Variants in MFSD6L observed in about 807,000 individuals in gnomAD.
MFSD6L encodes the protein major facilitator superfamily domain-containing protein 6-like.
MFSD6L carries 9 observed loss-of-function variants against 6.4 expected under a neutral mutation model. The observed-to-expected ratio is 1.42, with a 90% CI of 0.85 to 2.47. The LOEUF (loss-of-function observed/expected upper bound fraction) is 2.47, where lower values mean the gene tolerates loss of function less well. Among genes scored for constraint, MFSD6L ranks in the 30% most tolerant of loss-of-function variants. The probability of loss-of-function intolerance (pLI) is 0.00; values close to 1 mark genes in which losing one functional copy is unlikely to be tolerated. For synonymous variants in MFSD6L, 336 were observed against 322.4 expected (o/e 1.04, Z -0.45); for missense variants, 747 against 730.6 (o/e 1.02, Z -0.26).
In MFSD6L at chr17:8,798,184, G is replaced by C; in HGVS notation, c.937C>G (p.Leu313Val). Residue 313 changes from leucine (L) to valine (V), a missense_variant, in exon 1 of 1, where the codon CTG becomes GTG. Leu to Val is a conservative substitution (Grantham distance 32, BLOSUM62 1). Transcript: ENST00000329805. The stretch of plus-strand genomic sequence containing the variant: ...ACACCTCGGGGGCCACTGGTCATCA[G>C]GAAGCAGTCCAGCTGCCCCACCAAG... ...TALVGQLDCF[L>V]MTSGPRGVVH... The C allele has an allele frequency of 1.9e-6, 3 of 1,613,042 alleles. No individual in the cohort carries two copies. Among genetic ancestry groups the C allele is most frequent in the Non-Finnish European group, 2.5e-6 (3 of 1,179,986 alleles).
chr17:8,797,935 G>GGTCCTTC lies in MFSD6L; in HGVS notation c.1179_1185dup (p.His396GlufsTer33), dbSNP rs1339307224. 6.2e-7 allele frequency: 1 copy of GGTCCTTC among 1,613,838 alleles called. No individual in the cohort carries two copies. The highest frequency in any genetic ancestry group is 1.3e-5 in the African/African-American group (1 of 74,874). The stretch of plus-strand genomic sequence containing the variant: ...CCCATGACCAGCTCGCCGCTCCCAT[G>GGTCCTTC]GTCCTTCATGTGCCAGAACAGAAAG... On this transcript the variant is annotated frameshift_variant, in exon 1 of 1. Coordinates refer to ENST00000329805, the MANE Select transcript of MFSD6L (RefSeq NM_152599.4). LOFTEE classifies it low-confidence loss of function (END_TRUNC).
chr17:8,798,596 G>A lies in MFSD6L; in HGVS notation c.525C>T (p.Ser175=), dbSNP rs758816578. The A allele has an allele frequency of 2.5e-6, 4 of 1,614,194 alleles. No homozygotes were observed. The highest frequency in any genetic ancestry group is 3.4e-6 in the Non-Finnish European group (4 of 1,180,036). ...GGGATGTGGTCCTAGCTCCTTCAAC[G>A]GAGGGCGCTAAGTAGACGTGCAGAT... ...FRDLHVYLAP[S]VEGARTTSQA... Residue 175 remains serine, a synonymous_variant, in exon 1 of 1, where the codon TCC becomes TCT. Transcript: ENST00000329805.
chr17:8,797,286 T>A lies in MFSD6L; in HGVS notation c.*74A>T, dbSNP rs2151154973. The A allele has an allele frequency of 7.0e-7, 1 of 1,434,130 alleles. No homozygotes were observed. Among genetic ancestry groups the A allele is most frequent in the Non-Finnish European group, 9.4e-7 (1 of 1,068,644 alleles). 88.8% of individuals were successfully genotyped at this position (1,434,130 alleles called of 1,614,324 possible). A position where few individuals can be genotyped will look rare whatever the true frequency, so the allele number is the denominator to read the frequency against. On this transcript the variant is annotated 3_prime_UTR_variant, in exon 1 of 1. Coordinates refer to ENST00000329805, the MANE Select transcript of MFSD6L (RefSeq NM_152599.4). ...CCCAGCAGTCCAGGGCAGGTTTCTG[T>A]CCTCAGCAGGCTGAGTTTTGTTCAG...
In MFSD6L at chr17:8,799,085, C is replaced by A. The variant is rs1054972851; in HGVS notation, c.36G>T (p.Ala12=). 6 of 1,586,066 alleles carry A rather than the reference C, an allele frequency of 3.8e-6. No individual in the cohort carries two copies. The highest frequency in any genetic ancestry group is 1.2e-5 in the South Asian group (1 of 86,898). ...SANPRWDISR[A]LGVAKLFHLV... The stretch of plus-strand genomic sequence containing the variant: ...GGTGGAAGAGCTTGGCCACCCCCAG[C>A]GCCCTGCTGATGTCCCACCGGGGGT... The change falls in exon 1 of 1, where the codon GCG becomes GCT. Residue 12 remains alanine, a synonymous_variant. Transcript: ENST00000329805. This position sits in a 1 kb window ranked among gnomAD's most constrained non-coding sequence, Gnocchi z 5.3.
At position 8,798,994 on chromosome 17, in the gene MFSD6L, A is replaced by G; in HGVS notation, c.127T>C (p.Leu43=). 6.2e-7 allele frequency: 1 copy of G among 1,613,798 alleles called. No individual in the cohort carries two copies. Among genetic ancestry groups the G allele is most frequent in the Non-Finnish European group, 8.5e-7 (1 of 1,179,984 alleles). ...FLTLYLRQLG[L]AAPWVGTLMG... is the part of the protein sequence containing the mutation. Reference sequence around the variant, plus strand: ...AGGGTGCCCACCCAGGGCGCGGCCAAGCCCAGCTGCCTCAGGTAAAGGGTC... The same window carrying G: ...AGGGTGCCCACCCAGGGCGCGGCCAGGCCCAGCTGCCTCAGGTAAAGGGTC... The change falls in exon 1 of 1, where the codon TTG becomes CTG. Residue 43 remains leucine (L), a synonymous_variant. Coordinates refer to ENST00000329805, the MANE Select transcript of MFSD6L (RefSeq NM_152599.4).
Position 8,798,431 on chromosome 17 carries a change from C to T in MFSD6L, c.690G>A (p.Gly230=). Residue 230 remains glycine, a synonymous_variant, in exon 1 of 1, where the codon GGG becomes GGA. Coordinates refer to ENST00000329805, the MANE Select transcript of MFSD6L (RefSeq NM_152599.4). ...AGGACAGGTCAAAAGCCCAGGCTTT[C>T]CCCTTGGTCCCTGACAAATTGGCTG... is the stretch of plus-strand genomic sequence containing the variant. ...GNPANLSGTK[G]KAWAFDLSLE... is the part of the protein sequence containing the mutation. The T allele has an allele frequency of 6.2e-7, 1 of 1,607,550 alleles. No individual in the cohort carries two copies. The highest frequency in any genetic ancestry group is 8.5e-7 in the Non-Finnish European group (1 of 1,176,540).
chr17:8,798,524 C>T lies in MFSD6L; in HGVS notation c.597G>A (p.Trp199Ter), dbSNP rs201485721. The change falls in exon 1 of 1, where the codon TGG becomes TGA. Residue 199 changes from tryptophan to a stop codon, truncating the protein, a stop_gained. Coordinates refer to ENST00000329805, the MANE Select transcript of MFSD6L (RefSeq NM_152599.4). LOFTEE classifies it low-confidence loss of function (END_TRUNC). ...PVTSGLKDHP[W>*]EVTFEVVKTA... ...TCTTGACCACCTCAAAAGTAACTTC[C>T]CAGGGATGATCTTTCAGCCCCGAAG... 42 of 1,613,386 alleles carry T rather than the reference C, an allele frequency of 2.6e-5. No individual in the cohort carries two copies. Among genetic ancestry groups the T allele is most frequent in the Non-Finnish European group, 3.3e-5 (39 of 1,179,568 alleles).
In MFSD6L at chr17:8,797,279, G is replaced by A; in HGVS notation, c.*81C>T. On this transcript the variant is annotated 3_prime_UTR_variant, in exon 1 of 1. Transcript: ENST00000329805. ...CCCGGCTCCCAGCAGTCCAGGGCAG[G>A]TTTCTGTCCTCAGCAGGCTGAGTTT... is the stretch of plus-strand genomic sequence containing the variant. The A allele has an allele frequency of 1.4e-6, 2 of 1,388,850 alleles. No individual in the cohort carries two copies. Among genetic ancestry groups the A allele is most frequent in the Non-Finnish European group, 1.9e-6 (2 of 1,032,100 alleles). The allele number at this position is 1,388,850 out of a possible 1,614,324, so 86.0% of individuals were successfully genotyped here.
Position 8,798,701 on chromosome 17 carries a change from G to A in MFSD6L, c.420C>T (p.His140=), listed in dbSNP as rs1212288216. 1.9e-6 allele frequency: 3 copies of A among 1,613,966 alleles called. No homozygotes were observed. Among genetic ancestry groups the A allele is most frequent in the African/African-American group, 2.7e-5 (2 of 74,920 alleles). ...ITSAQESASS[H]PAKRTAEVEM... ...CCACCTCTGCAGTCCTCTTGGCTGG[G>A]TGGCTGGAGGCAGACTCTTGGGCCG... is the stretch of plus-strand genomic sequence containing the variant. The change falls in exon 1 of 1, where the codon CAC becomes CAT. Residue 140 remains histidine, a synonymous_variant. Coordinates refer to ENST00000329805, the MANE Select transcript of MFSD6L (RefSeq NM_152599.4).
chr17:8,798,937 A>G lies in MFSD6L; in HGVS notation c.184T>C (p.Trp62Arg). The G allele has an allele frequency of 6.2e-7, 1 of 1,613,830 alleles. No individual in the cohort carries two copies. Among genetic ancestry groups the G allele is most frequent in the South Asian group, 1.1e-5 (1 of 91,066 alleles). Residue 62 changes from tryptophan to arginine, a missense_variant, in exon 1 of 1, where the codon TGG (tryptophan) becomes CGG (arginine). By Grantham distance (101) the Trp-to-Arg change is moderately radical (BLOSUM62 -3). Coordinates refer to ENST00000329805, the MANE Select transcript of MFSD6L (RefSeq NM_152599.4). ...GCCAGGAAGGCACAGACGGGAGCCC[A>G]GAAGGCAGCGATTAGGTGCTTGGTT... ...MGTKHLIAAF[W>R]APVCAFLAKS...
At position 8,798,527 on chromosome 17, in the gene MFSD6L, G is replaced by T; in HGVS notation, c.594C>A (p.Pro198=). Residue 198 remains proline (P), a synonymous_variant, in exon 1 of 1, where the codon CCC becomes CCA. Coordinates refer to ENST00000329805, the MANE Select transcript of MFSD6L (RefSeq NM_152599.4). ...HPVTSGLKDH[P]WEVTFEVVKT... is the part of the protein sequence containing the mutation. ...TGACCACCTCAAAAGTAACTTCCCA[G>T]GGATGATCTTTCAGCCCCGAAGTGA... 1 of 1,613,622 alleles carries T rather than the reference G, an allele frequency of 6.2e-7. No homozygotes were observed. Among genetic ancestry groups the T allele is most frequent in the Non-Finnish European group, 8.5e-7 (1 of 1,179,616 alleles).
rs1315019960 is a variant in MFSD6L at position 8,797,503 on chromosome 17, A to G, written c.1618T>C (p.Ser540Pro). The G allele has an allele frequency of 8.1e-6, 13 of 1,613,990 alleles. No individual in the cohort carries two copies. In the Middle Eastern group the frequency reaches 4.9e-4, roughly 61 times the overall value. The change falls in exon 1 of 1, where the codon TCC becomes CCC. Residue 540 changes from serine (S) to proline (P), a missense_variant. By Grantham distance (74) the Ser-to-Pro change is moderately conservative (BLOSUM62 -1). Transcript: ENST00000329805. ...ALLLWLALLL[S>P]IQRRLPRERK... is the part of the protein sequence containing the mutation. ...TCTCGGGGCAGCCTCCGCTGTATGGACAGGAGCAAGGCCAACCAGAGCAAC... is the reference window on the plus strand; with the variant it reads ...TCTCGGGGCAGCCTCCGCTGTATGGGCAGGAGCAAGGCCAACCAGAGCAAC...
At position 8,799,344 on chromosome 17, in the gene MFSD6L, G is replaced by A. The variant is rs367945; in HGVS notation, c.-224C>T. The A allele has an allele frequency of 5.2e-6, 2 of 384,742 alleles. No individual in the cohort carries two copies. The highest frequency in any genetic ancestry group is 9.1e-6 in the Non-Finnish European group (2 of 219,700). The allele number at this position is 384,742 out of a possible 1,614,324, so 23.8% of individuals were successfully genotyped here. On this transcript the variant is annotated 5_prime_UTR_variant, in exon 1 of 1. Coordinates refer to ENST00000329805, the MANE Select transcript of MFSD6L (RefSeq NM_152599.4). The surrounding 1 kb of genome is among the most constrained non-coding windows in gnomAD (Gnocchi z 5.3). ...CCGAAAGGGGCCCCGCCCGGAGGGAGAGGCGGGGCGGGGGCGAAGGTGGGG... is the reference window on the plus strand; with the variant it reads ...CCGAAAGGGGCCCCGCCCGGAGGGAAAGGCGGGGCGGGGGCGAAGGTGGGG...
chr17:8,798,920 G>C lies in MFSD6L; in HGVS notation c.201C>G (p.Ala67=). 6.2e-7 allele frequency: 1 copy of C among 1,613,882 alleles called. No homozygotes were observed. The highest frequency in any genetic ancestry group is 1.1e-5 in the South Asian group (1 of 91,078). ...TTTTCCGGTAGCTTTTGGCCAGGAAGGCACAGACGGGAGCCCAGAAGGCAG... is the reference window on the plus strand; with the variant it reads ...TTTTCCGGTAGCTTTTGGCCAGGAACGCACAGACGGGAGCCCAGAAGGCAG... ...LIAAFWAPVC[A]FLAKSYRKRR... Residue 67 remains alanine (A), a synonymous_variant, in exon 1 of 1, where the codon GCC becomes GCG. Coordinates refer to ENST00000329805, the MANE Select transcript of MFSD6L (RefSeq NM_152599.4).
chr17:8,798,460 T>TC lies in MFSD6L; in HGVS notation c.660dup (p.Asn221GlufsTer16), dbSNP rs758675961. 4 of 1,606,704 alleles carry TC rather than the reference T, an allele frequency of 2.5e-6. No individual in the cohort carries two copies. The African/African-American group carries it at 4.0e-5, about 16-fold the overall frequency. On this transcript the variant is annotated frameshift_variant, in exon 1 of 1. Coordinates refer to ENST00000329805, the MANE Select transcript of MFSD6L (RefSeq NM_152599.4). LOFTEE classifies it low-confidence loss of function (END_TRUNC). ...TTGGTCCCTGACAAATTGGCTGGATTCCCGGGCCCTTTCCCCCCAGGAAGC... is the reference window on the plus strand; with the variant it reads ...TTGGTCCCTGACAAATTGGCTGGATTCCCCGGGCCCTTTCCCCCCAGGAAGC...
chr17:8,798,744 A>G lies in MFSD6L; in HGVS notation c.377T>C (p.Leu126Pro). 1 of 1,613,990 alleles carries G rather than the reference A, an allele frequency of 6.2e-7. No homozygotes were observed. Among genetic ancestry groups the G allele is most frequent in the South Asian group, 1.1e-5 (1 of 91,072 alleles). The change falls in exon 1 of 1, where the codon CTA becomes CCA. Residue 126 changes from leucine to proline, a missense_variant. Transcript: ENST00000329805. Reference protein sequence around the residue: ...TSTDALPGVTLPVNITSAQES... With the variant: ...TSTDALPGVTPPVNITSAQES... ...TTGGGCCGAGGTGATGTTCACAGGTAGCGTGACCCCCGGGAGTGCGTCTGT... is the reference window on the plus strand; with the variant it reads ...TTGGGCCGAGGTGATGTTCACAGGTGGCGTGACCCCCGGGAGTGCGTCTGT...
At position 8,798,581 on chromosome 17, in the gene MFSD6L, C is replaced by G. The variant is rs2087020021; in HGVS notation, c.540G>C (p.Arg180Ser). ...GATGGAGGAGAGCTTGGGATGTGGT[C>G]CTAGCTCCTTCAACGGAGGGCGCTA... ...VYLAPSVEGARTTSQALLHPV... is the reference protein window; with the variant it reads ...VYLAPSVEGASTTSQALLHPV... The change falls in exon 1 of 1, where the codon AGG (arginine) becomes AGC (serine). Residue 180 changes from arginine (R) to serine (S), a missense_variant. Physicochemically the swap from Arg to Ser is moderately radical, Grantham distance 110. Coordinates refer to ENST00000329805, the MANE Select transcript of MFSD6L (RefSeq NM_152599.4). The G allele has an allele frequency of 6.2e-7, 1 of 1,614,016 alleles. No individual in the cohort carries two copies.
Position 8,797,965 on chromosome 17 carries a change from G to C in MFSD6L, c.1156C>G (p.Gln386Glu). The C allele has an allele frequency of 5.6e-6, 9 of 1,613,968 alleles. No individual in the cohort carries two copies. Among genetic ancestry groups the C allele is most frequent in the Non-Finnish European group, 7.6e-6 (9 of 1,180,026 alleles). Residue 386 changes from glutamine (Q) to glutamate (E), a missense_variant, in exon 1 of 1, where the codon CAG becomes GAG. Transcript: ENST00000329805. ...VLVGAIVSTV[Q>E]NFLFWHMKDH... ...TTCATGTGCCAGAACAGAAAGTTCT[G>C]GACAGTACTGACGATGGCTCCTACC...
Position 8,798,305 on chromosome 17 carries a change from A to T in MFSD6L, c.816T>A (p.Tyr272Ter). ...PLEQVADDSL[Y>*]EFLDFVDATD... Reference sequence around the variant, plus strand: ...TGGCATCCACAAAATCCAGGAACTCATAAAGGCTGTCATCTGCCACCTGCT... The same window carrying T: ...TGGCATCCACAAAATCCAGGAACTCTTAAAGGCTGTCATCTGCCACCTGCT... The change falls in exon 1 of 1, where the codon TAT (tyrosine) becomes TAA (stop). Residue 272 changes from tyrosine to a stop codon, truncating the protein, a stop_gained. Transcript: ENST00000329805. LOFTEE classifies it low-confidence loss of function (END_TRUNC). The T allele has an allele frequency of 6.2e-7, 1 of 1,608,130 alleles. No homozygotes were observed. The highest frequency in any genetic ancestry group is 8.5e-7 in the Non-Finnish European group (1 of 1,179,974).
Sources: allele counts gnomAD v4.1 joint callset, GRCh38; gene constraint gnomAD v4.1.1; non-coding constraint Gnocchi (gnomAD v3.1); transcripts MANE v1.5; gene names NCBI Gene and HGNC (gene_info 2026-07-23, HGNC 2026-07-21).